SPECC1L: variants seen among roughly 807,000 people sequenced by gnomAD.
SPECC1L encodes the protein sperm antigen with calponin homology and coiled-coil domains 1 like.
In SPECC1L, 40 loss-of-function variants were observed where a neutral mutation model predicts 116.8. The observed-to-expected ratio is 0.34, with a 90% CI of 0.27 to 0.45. The LOEUF (loss-of-function observed/expected upper bound fraction) is 0.45, where lower values mean the gene tolerates loss of function less well. SPECC1L is among the 20% of genes least tolerant of loss of function. The pLI, the probability that SPECC1L is intolerant of heterozygous loss-of-function variation, is 1.00. For missense variants in SPECC1L, 1,110 were observed against 1,373.6 expected (o/e 0.81, Z 3.03); for synonymous variants, 504 against 500.6 (o/e 1.01, Z -0.09).
Position 24,334,443 on chromosome 22 carries a change from C to T in SPECC1L, c.2430C>T (p.Tyr810=). 2.5e-6 allele frequency: 4 copies of T among 1,614,204 alleles called. No individual in the cohort carries two copies. Among genetic ancestry groups the T allele is most frequent in the Non-Finnish European group, 3.4e-6 (4 of 1,180,026 alleles). Residue 810 remains tyrosine (Y), a synonymous_variant, in exon 9 of 17, where the codon TAC becomes TAT. Transcript: ENST00000314328. ...AGGAGCGAGGCCGGGTATACAATTACATGAATGCCGTTGAGAGAGATTTGG... is the reference window on the plus strand; with the variant it reads ...AGGAGCGAGGCCGGGTATACAATTATATGAATGCCGTTGAGAGAGATTTGG... The part of the protein sequence containing the change: ...QEEERGRVYN[Y]MNAVERDLAA...
Position 24,360,698 on chromosome 22 carries a change from A to G in SPECC1L, c.2744-2563A>G, listed in dbSNP as rs199655691. Among the ~76,000 whole-genome samples, 6 of 152,230 alleles carry G rather than the reference A, an allele frequency of 3.9e-5. No individual in the cohort carries two copies. In the East Asian group the frequency reaches 1.2e-3, roughly 29 times the overall value. On this transcript the variant is annotated intron_variant, in intron 11 of 16. Coordinates refer to ENST00000314328, the MANE Select transcript of SPECC1L (RefSeq NM_015330.6). ...TTGTTTTGATTTATTTGTCTTTTCA[A>G]CCTTCGTTTTCACTTTCTTAGCTTG...
At chr22:24,281,402 A>G (rs895326015) in intron 2 of SPECC1L, among the ~76,000 whole-genome samples, 5 of 152,222 alleles carry the variant, frequency 3.3e-5, no homozygotes, top group African/African-American at 1.2e-4. Context: ...CAGGGGAAGA[A>G]TTGACTTCTT....
chr22:24,417,094 G>T lies in SPECC1L; in HGVS notation c.*2471G>T, dbSNP rs570386644. 6.6e-6 allele frequency: 1 copy of T among 152,644 alleles called. No individual in the cohort carries two copies. Among genetic ancestry groups the T allele is most frequent in the South Asian group, 2.1e-4 (1 of 4,824 alleles). The allele number at this position is 152,644 out of a possible 1,614,324, so 9.5% of individuals were successfully genotyped here. A position where few individuals can be genotyped will look rare whatever the true frequency, so the allele number is the denominator to read the frequency against. On this transcript the variant is annotated 3_prime_UTR_variant, in exon 17 of 17. Coordinates refer to ENST00000314328, the MANE Select transcript of SPECC1L (RefSeq NM_015330.6). The stretch of plus-strand genomic sequence containing the variant: ...GTGGCATCTGGCACGAAGTCTCCAA[G>T]AAGCCACTTTGCCTCTTCTCCCTTC...
intron 9 of SPECC1L, among the ~76,000 whole-genome samples, chr22:24,335,187 C>T (rs117966103): frequency 0.037 from 5,637 of 152,290 alleles, 124 homozygotes; most frequent in Non-Finnish European, 0.055. Flanking sequence ...CCATCTCTAG[C>T]GGCACAAGCT....
At chr22:24,382,799 T>C (rs1345560725) in intron 14 of SPECC1L, among the ~76,000 whole-genome samples, 2 of 151,154 alleles carry the variant, frequency 1.3e-5, no homozygotes, top group South Asian at 2.1e-4. Flanking sequence ...GGCAGGAGGA[T>C]TGCTTGAGCC....
At chr22:24,353,276 G>A (rs2041461066) in intron 11 of SPECC1L, among the ~76,000 whole-genome samples, 1 of 151,918 alleles carries the variant, frequency 6.6e-6, no homozygotes, top group Admixed American at 6.6e-5. Context: ...TATCTCTTTA[G>A]TCCCCACCAG....
chr22:24,341,796 A>G (rs1297456796), intron 10 of SPECC1L, among the ~76,000 whole-genome samples: 1 of 152,254 alleles, frequency 6.6e-6, no homozygotes, highest in African/African-American at 2.4e-5. Context: ...GCTATCACTT[A>G]GAGCCACCTA....
chr22:24,277,792 C>T (rs1027348491), intron 2 of SPECC1L, among the ~76,000 whole-genome samples: 8 of 152,182 alleles, frequency 5.3e-5, no homozygotes, highest in African/African-American at 9.6e-5. Context: ...TGAACATTTG[C>T]GTTTTTGCCA....
At position 24,352,889 on chromosome 22, in the gene SPECC1L, A is replaced by G. The variant is rs143785696; in HGVS notation, c.2743+5713A>G. On this transcript the variant is annotated intron_variant, in intron 11 of 16. Coordinates refer to ENST00000314328, the MANE Select transcript of SPECC1L (RefSeq NM_015330.6). ...TTTTCAAACATACAGAAAAGTTGCA[A>G]GAAGTTGTGCCGTGAATTATCCACT... 5.1e-3 allele frequency among the ~76,000 whole-genome samples: 780 copies of G among 152,318 alleles called. 7 individuals carry two copies. Among genetic ancestry groups the G allele is most frequent in the Non-Finnish European group, 5.5e-3 (375 of 68,028 alleles).
chr22:24,299,572 C>G (rs1205881781), intron 2 of SPECC1L, among the ~76,000 whole-genome samples: 3 of 152,144 alleles, frequency 2.0e-5, no homozygotes, highest in Non-Finnish European at 4.4e-5. Flanking sequence ...TTCTTTTCTC[C>G]TCTTGGACCT....
chr22:24,403,490 C>T (rs2042522042), intron 14 of SPECC1L, among the ~76,000 whole-genome samples: 13 of 152,078 alleles, frequency 8.5e-5, no homozygotes, highest in Admixed American at 8.5e-4. Context: ...GTGCATTTTC[C>T]CCTCAAATAA....
chr22:24,315,516 A>G (rs2040544198), intron 4 of SPECC1L, among the ~76,000 whole-genome samples: 1 of 152,258 alleles, frequency 6.6e-6, no homozygotes, highest in South Asian at 2.1e-4. Context: ...ACCACATTTA[A>G]CATTGTAGCT....
intron 2 of SPECC1L, among the ~76,000 whole-genome samples, chr22:24,277,308 A>T (rs920303380): frequency 1.3e-5 from 2 of 152,208 alleles, no homozygotes; most frequent in African/African-American, 4.8e-5. Context: ...TTAACCTTTC[A>T]TATTATTCCT....
At chr22:24,382,864 C>A (rs1013915794) in intron 14 of SPECC1L, among the ~76,000 whole-genome samples, 7 of 152,088 alleles carry the variant, frequency 4.6e-5, no homozygotes, top group Non-Finnish European at 1.0e-4. Context: ...CCAGCCTGGA[C>A]AACAGAGTGA....
intron 15 of SPECC1L, 46 bp downstream of exon 15, chr22:24,411,750 G>T (rs1569451662): frequency 6.6e-7 from 1 of 1,509,156 alleles, no homozygotes; most frequent in Non-Finnish European, 9.2e-7. Context: ...CACAGGGTTG[G>T]AGGGCTGAGA....
chr22:24,377,364 G>GT (rs1464757370), intron 14 of SPECC1L, among the ~76,000 whole-genome samples: 2 of 152,038 alleles, frequency 1.3e-5, no homozygotes, highest in Non-Finnish European at 2.9e-5. Context: ...CTGGTCTCAA[G>GT]TGATCTTCCC....
At position 24,322,092 on chromosome 22, in the gene SPECC1L, C is replaced by T. The variant is rs1227709718; in HGVS notation, c.1112C>T (p.Ser371Leu). ...CTGGATGCACCATCCTCCTCAGAGT[C>T]GGAAGGCATCCCCAGCATAGAGCGC... is the stretch of plus-strand genomic sequence containing the variant. ...DALDAPSSSE[S>L]EGIPSIERSR... The change falls in exon 5 of 17, where the codon TCG becomes TTG. Residue 371 changes from serine (S) to leucine (L), a missense_variant. Transcript: ENST00000314328. 11 of 1,614,006 alleles carry T rather than the reference C, an allele frequency of 6.8e-6. No individual in the cohort carries two copies. Among genetic ancestry groups the T allele is most frequent in the Admixed American group, 1.7e-5 (1 of 60,006 alleles).
intron 9 of SPECC1L, among the ~76,000 whole-genome samples, 156 bp from the exon 10 acceptor site, chr22:24,338,230 A>G (rs530453178): frequency 1.6e-4 from 25 of 152,248 alleles, no homozygotes; most frequent in Non-Finnish European, 3.1e-4. Flanking sequence ...GTGCTAAGAC[A>G]TGGCTACAAG....
chr22:24,296,309 G>A lies in SPECC1L; in HGVS notation c.-37-5886G>A, dbSNP rs570454421. ...CGCACAGGACATGGTGCTTGCTGTC[G>A]GGGAGAGGCTCAAGGCCTTCAGTGC... On this transcript the variant is annotated intron_variant, in intron 2 of 16. Coordinates refer to ENST00000314328, the MANE Select transcript of SPECC1L (RefSeq NM_015330.6). Among the ~76,000 whole-genome samples, 60 of 151,876 alleles carry A rather than the reference G, an allele frequency of 4.0e-4. 3 individuals are homozygous for A. The South Asian group carries it at 0.012, about 30-fold the overall frequency.
Sources: gnomAD v4.1 joint callset for allele counts (sites outside exome capture counted in the v4.1 genomes callset) on GRCh38, gnomAD v4.1.1 for gene constraint, MANE v1.5 for transcripts, NCBI Gene and HGNC (gene_info 2026-07-23, HGNC 2026-07-21) for gene names.